APBB2: variants seen among roughly 807,000 people sequenced by gnomAD.
APBB2 encodes Fe65-like 1.
In APBB2, 38 loss-of-function variants were observed where a neutral mutation model predicts 82.5. That is an observed-to-expected ratio of 0.46 (90% CI 0.36 to 0.60). APBB2 has a LOEUF of 0.60. APBB2 is among the 20% of genes least tolerant of loss of function. The pLI, the probability that APBB2 is intolerant of heterozygous loss-of-function variation, is 0.00. For synonymous variants in APBB2, 341 were observed against 368.2 expected, an observed-to-expected ratio of 0.93 and a Z score of 0.85; for missense variants, 772 against 972.3, an observed-to-expected ratio of 0.79 and a Z score of 2.74.
chr4:40,908,355 T>C (rs577281275), intron 10 of APBB2, among the ~76,000 whole-genome samples: 1 of 152,258 alleles, frequency 6.6e-6, no homozygotes, highest in Admixed American at 6.5e-5. Flanking sequence ...CGGTGGTGTA[T>C]ACACTTCAGG....
chr4:41,200,467 T>C (rs1731824579), intron 1 of APBB2, among the ~76,000 whole-genome samples: 1 of 152,208 alleles, frequency 6.6e-6, no homozygotes, highest in African/African-American at 2.4e-5. Flanking sequence ...ATTTTACTAG[T>C]ACACCACATT....
intron 1 of APBB2, among the ~76,000 whole-genome samples, chr4:41,146,491 C>T (rs1043324268): frequency 2.0e-5 from 3 of 151,926 alleles, no homozygotes; most frequent in Non-Finnish European, 4.4e-5. Flanking sequence ...AAGACCCCGT[C>T]TCAGAAAAAA....
intron 10 of APBB2, among the ~76,000 whole-genome samples, chr4:40,900,454 G>GTT (rs71648936): frequency 0.021 from 2,755 of 132,688 alleles, 90 homozygotes; most frequent in African/African-American, 0.06. Flanking sequence ...ACGGAAGGAG[G>GTT]TTTTTTTTTT....
chr4:40,938,953 G>A (rs1387982327), intron 7 of APBB2, among the ~76,000 whole-genome samples: 3 of 152,126 alleles, frequency 2.0e-5, no homozygotes, highest in Non-Finnish European at 4.4e-5. Context: ...ATGGATTCAT[G>A]GGTTATCATG....
At chr4:40,964,903 G>A (rs1165705966) in intron 6 of APBB2, among the ~76,000 whole-genome samples, 4 of 152,032 alleles carry the variant, frequency 2.6e-5, no homozygotes, top group African/African-American at 4.8e-5. Context: ...GGCAGATCAC[G>A]AGGTCAGGAG....
intron 10 of APBB2, among the ~76,000 whole-genome samples, chr4:40,931,282 A>G (rs534198303): frequency 6.6e-6 from 1 of 152,162 alleles, no homozygotes; most frequent in Non-Finnish European, 1.5e-5. Context: ...AAGCTCCTCC[A>G]ATGTGTCTTC....
intron 6 of APBB2, among the ~76,000 whole-genome samples, chr4:41,007,298 C>T (rs1358933173): frequency 6.6e-6 from 1 of 151,746 alleles, no homozygotes; most frequent in African/African-American, 2.4e-5. Context: ...TGTTATTCTG[C>T]AGCAAACGGC....
At chr4:41,026,268 C>A (rs1211703501) in intron 5 of APBB2, among the ~76,000 whole-genome samples, 1 of 152,062 alleles carries the variant, frequency 6.6e-6, no homozygotes, top group Non-Finnish European at 1.5e-5. Flanking sequence ...ATAATCTGAA[C>A]AACAAAGCCC....
chr4:40,859,801 G>A (rs370571337), intron 12 of APBB2, among the ~76,000 whole-genome samples: 7 of 152,064 alleles, frequency 4.6e-5, no homozygotes, highest in African/African-American at 1.4e-4. Context: ...CTCTGCTCCA[G>A]TCCCCTTTTC....
chr4:40,938,002 CAA>C lies in APBB2; in HGVS notation c.1045-2865_1045-2864del, dbSNP rs1785813581. Among the ~76,000 whole-genome samples the C allele has an allele frequency of 1.3e-5, 2 of 152,044 alleles. 1 individual carries two copies. Among genetic ancestry groups the C allele is most frequent in the Admixed American group, 1.3e-4 (2 of 15,256 alleles). On this transcript the variant is annotated intron_variant, in intron 7 of 17. Coordinates refer to ENST00000508593, the MANE Select transcript of APBB2 (RefSeq NM_004307.2). ...AGAGATGAAGGAGGAAGAGGAGAGA[CAA>C]AGAGAAAAACATTAAAAGGGGAAAA...
chr4:40,828,817 G>A (rs760836469), intron 13 of APBB2, among the ~76,000 whole-genome samples: 2 of 152,212 alleles, frequency 1.3e-5, no homozygotes, highest in African/African-American at 2.4e-5. Context: ...CGTCCCCATC[G>A]TGGGATTCAG....
intron 12 of APBB2, among the ~76,000 whole-genome samples, chr4:40,842,071 TG>T (rs1225248329): frequency 6.6e-6 from 1 of 152,176 alleles, no homozygotes; most frequent in African/African-American, 2.4e-5. Flanking sequence ...GCCACACTGA[TG>T]AGATTTTTCT....
rs762437843 is a variant in APBB2, at chr4:40,816,114, C to T, written c.2258G>A (p.Arg753His). 8.1e-6 allele frequency: 13 copies of T among 1,613,692 alleles called. No homozygotes were observed. The highest frequency in any genetic ancestry group is 3.3e-5 in the South Asian group (3 of 91,046). Residue 753 changes from arginine (R) to histidine (H), a missense_variant, in exon 18 of 18, where the codon CGC becomes CAC. Physicochemically the swap from Arg to His is conservative, Grantham distance 29. Coordinates refer to ENST00000508593, the MANE Select transcript of APBB2 (RefSeq NM_004307.2). ...CAGCTATGGCATTTCGGTGACAGGG[C>T]GTTTCTGTTTCAAAGTGTCAATGAG... is the stretch of plus-strand genomic sequence containing the variant. Reference protein sequence around the residue: ...LSLIDTLKQKRPVTEMP With the variant: ...LSLIDTLKQKHPVTEMP
At position 40,815,914 on chromosome 4, in the gene APBB2, A is replaced by G. The variant is rs1430241111; in HGVS notation, c.*178T>C. On this transcript the variant is annotated 3_prime_UTR_variant, in exon 18 of 18. Transcript: ENST00000508593. ...AAAAAAATTATTCATGCTTCTTTTC[A>G]TATCACATGATGGTGGCAAGACGAG... The G allele has an allele frequency of 1.5e-6, 1 of 685,160 alleles. No individual in the cohort carries two copies. The allele number at this position is 685,160 out of a possible 1,614,324, so 42.4% of individuals were successfully genotyped here. A position where few individuals can be genotyped will look rare whatever the true frequency, so the allele number is the denominator to read the frequency against.
chr4:41,207,628 A>G (rs546895443), intron 1 of APBB2, among the ~76,000 whole-genome samples: 2 of 152,128 alleles, frequency 1.3e-5, no homozygotes, highest in Non-Finnish European at 2.9e-5. Context: ...TTCTCAAGCT[A>G]TAATTCAAAA....
intron 12 of APBB2, among the ~76,000 whole-genome samples, chr4:40,882,972 C>T (rs775400723): frequency 6.6e-6 from 1 of 152,144 alleles, no homozygotes; most frequent in African/African-American, 2.4e-5. Flanking sequence ...ACCTGAGGTA[C>T]GCAAGTTCCA....
chr4:40,837,336 G>C lies in APBB2; in HGVS notation c.1530-6759C>G, dbSNP rs568885341. Among the ~76,000 whole-genome samples the C allele has an allele frequency of 1.5e-3, 236 of 152,334 alleles. 1 individual carries two copies. Among genetic ancestry groups the C allele is most frequent in the Non-Finnish European group, 4.1e-4 (28 of 68,034 alleles). Reference sequence around the variant, plus strand: ...GCCTTCAGGTTGGGAGCCCTTGAGGGCTATCCTTCCGTTAGCACTTCCGGC... The same window carrying C: ...GCCTTCAGGTTGGGAGCCCTTGAGGCCTATCCTTCCGTTAGCACTTCCGGC... On this transcript the variant is annotated intron_variant, in intron 12 of 17. Coordinates refer to ENST00000508593, the MANE Select transcript of APBB2 (RefSeq NM_004307.2).
chr4:40,973,209 A>G (rs1401102039), intron 6 of APBB2, among the ~76,000 whole-genome samples: 3 of 152,198 alleles, frequency 2.0e-5, no homozygotes, highest in Non-Finnish European at 4.4e-5. Context: ...AGGTTCGACC[A>G]ATAAGAGGCT....
At chr4:40,891,271 T>C (rs995264821) in intron 11 of APBB2, among the ~76,000 whole-genome samples, 1 of 152,272 alleles carries the variant, frequency 6.6e-6, no homozygotes, top group Middle Eastern at 3.4e-3. Context: ...TGGTGTCCCA[T>C]CTCCCCACCT....
Sources: gnomAD v4.1 joint callset for allele counts (sites outside exome capture counted in the v4.1 genomes callset) on GRCh38, gnomAD v4.1.1 for gene constraint, MANE v1.5 for transcripts, NCBI Gene and HGNC (gene_info 2026-07-23, HGNC 2026-07-21) for gene names.